The following SREK1 variants were observed in gnomAD, a reference collection of about 807,000 sequenced individuals.
The protein encoded by SREK1 is splicing regulatory glutamic acid and lysine rich protein 1, also known as splicing regulatory glutamine/lysine-rich protein 1.
A neutral mutation model predicts 66.5 loss-of-function variants in SREK1; 13 were observed. The ratio of observed to expected loss-of-function variants is 0.20; its 90% confidence interval spans 0.13 to 0.31. The LOEUF (loss-of-function observed/expected upper bound fraction) is 0.31. SREK1 is among the 10% of genes least tolerant of loss of function. SREK1 has a pLI of 1.00. For missense variants in SREK1, 607 were observed against 769.6 expected (o/e 0.79, Z 2.50); for synonymous variants, 265 against 263.5 (o/e 1.01, Z -0.05).
intron 11 of SREK1, among the ~76,000 whole-genome samples, 163 bp from the exon 12 acceptor site, chr5:66,178,556 G>A (rs770290207): frequency 6.6e-6 from 1 of 152,022 alleles, no homozygotes; most frequent in Non-Finnish European, 1.5e-5. Context: ...AACACAAAGG[G>A]GAAATTGATA....
chr5:66,182,941 A>G lies in SREK1; in HGVS notation c.*4073A>G, dbSNP rs1746610982. ...ATTCAGTCAGTTGGATTTAGTAACT[A>G]ATAACTAGCTTTCTTCCATTCTAAG... On this transcript the variant is annotated 3_prime_UTR_variant, in exon 12 of 12. Transcript: ENST00000334121. 6.6e-6 allele frequency: 1 copy of G among 152,214 alleles called. No individual in the cohort carries two copies. Among genetic ancestry groups the G allele is most frequent in the Non-Finnish European group, 1.5e-5 (1 of 68,040 alleles). 9.4% of individuals were successfully genotyped at this position (152,214 alleles called of 1,614,324 possible). A position where few individuals can be genotyped will look rare whatever the true frequency, so the allele number is the denominator to read the frequency against.
intron 10 of SREK1, chr5:66,177,260 A>G (rs1746134081): frequency 3.3e-6 from 1 of 301,982 alleles, no homozygotes; most frequent in Non-Finnish European, 6.0e-6. Flanking sequence ...AGGCTATGCC[A>G]AATAGTGTTT....
chr5:66,168,664 A>G (rs1745371868), intron 7 of SREK1: 1 of 152,196 alleles, frequency 6.6e-6, no homozygotes, highest in Admixed American at 6.5e-5. Flanking sequence ...GGTGTGAGCC[A>G]CTGTGCCCAG....
At position 66,162,227 on chromosome 5, in the gene SREK1, T is replaced by C. The variant is rs1463625429; in HGVS notation, c.530T>C (p.Ile177Thr). 1 of 1,614,132 alleles carries C rather than the reference T, an allele frequency of 6.2e-7. No homozygotes were observed. Among genetic ancestry groups the C allele is most frequent in the Non-Finnish European group, 8.5e-7 (1 of 1,179,984 alleles). The stretch of plus-strand genomic sequence containing the variant: ...ATGGGAAACGTGGATCCTTCCAAAA[T>C]AGATGAAATTAGGAGAACGGTTTAT... ...PLMGNVDPSK[I>T]DEIRRTVYVG... The change falls in exon 4 of 12, where the codon ATA becomes ACA. Residue 177 changes from isoleucine to threonine, a missense_variant. By Grantham distance (89) the Ile-to-Thr change is moderately conservative (BLOSUM62 -1). Around this residue, in one of 5 missense-constraint regions of SREK1, gnomAD observed 99 missense variants for 186.6 expected, o/e 0.53. Transcript: ENST00000334121.
At chr5:66,155,935 C>A (rs549102586) in intron 2 of SREK1, 2 of 1,330,740 alleles carry the variant, frequency 1.5e-6, no homozygotes, top group Non-Finnish European at 2.0e-6. Context: ...GAAAAAGATA[C>A]GGTCAAACAT....
chr5:66,153,707 GT>G, intron 2 of SREK1, 111 bp downstream of exon 2: 1 of 1,395,836 alleles, frequency 7.2e-7, no homozygotes, highest in Non-Finnish European at 9.8e-7. Flanking sequence ...GTGTGTGAAA[GT>G]AAGAATGAAA....
rs754284189 is a variant in SREK1, at chr5:66,181,404, A to G, written c.*2536A>G. ...TTTGTTTATTCTTTTCTTTCAGGGT[A>G]TTTTGTTTTTTTCTTTAAGACTTCT... On this transcript the variant is annotated 3_prime_UTR_variant, in exon 12 of 12. Transcript: ENST00000334121. The G allele has an allele frequency of 7.9e-5, 12 of 151,966 alleles. No homozygotes were observed. Among genetic ancestry groups the G allele is most frequent in the Non-Finnish European group, 1.3e-4 (9 of 67,972 alleles). 9.4% of individuals were successfully genotyped at this position (151,966 alleles called of 1,614,324 possible).
chr5:66,144,421 C>T lies in SREK1; in HGVS notation c.45C>T (p.Leu15=), dbSNP rs1561488302. 3.9e-6 allele frequency: 6 copies of T among 1,551,414 alleles called. No homozygotes were observed. The highest frequency in any genetic ancestry group is 5.2e-6 in the Non-Finnish European group (6 of 1,146,936). The change falls in exon 1 of 12, where the codon CTC becomes CTT. Residue 15 remains leucine (L), a synonymous_variant. Coordinates refer to ENST00000334121, the MANE Select transcript of SREK1 (RefSeq NM_001077199.3). ...GGFGLGLGFG[L]TPTSVIQVTN... Reference sequence around the variant, plus strand: ...TCGGTTTGGGCTTAGGCTTCGGCCTCACCCCCACGTCGGTGATTCAGGTGA... The same window carrying T: ...TCGGTTTGGGCTTAGGCTTCGGCCTTACCCCCACGTCGGTGATTCAGGTGA...
At position 66,183,327 on chromosome 5, in the gene SREK1, T is replaced by G. The variant is rs1243018899; in HGVS notation, c.*4459T>G. 1.3e-5 allele frequency: 2 copies of G among 152,198 alleles called. No homozygotes were observed. The highest frequency in any genetic ancestry group is 2.9e-5 in the Non-Finnish European group (2 of 68,012). 9.4% of individuals were successfully genotyped at this position (152,198 alleles called of 1,614,324 possible). ...TGGTAGGTAACACACTGTTGGGGAA[T>G]AAACTAAAGAATTTCTGATTTCTAC... On this transcript the variant is annotated 3_prime_UTR_variant, in exon 12 of 12. Transcript: ENST00000334121.
intron 3 of SREK1, among the ~76,000 whole-genome samples, chr5:66,161,572 A>T (rs1744776246): frequency 6.6e-6 from 1 of 152,194 alleles, no homozygotes; most frequent in Non-Finnish European, 1.5e-5. Context: ...GAAGTGCCTC[A>T]TGGAGAAAAT....
chr5:66,178,226 G>C (rs532292885), intron 11 of SREK1, among the ~76,000 whole-genome samples: 234 of 152,064 alleles, frequency 1.5e-3, no homozygotes, highest in African/African-American at 5.4e-3. Flanking sequence ...CAATAACATT[G>C]ATAACATTTA....
intron 10 of SREK1, 51 bp from the exon 11 acceptor site, chr5:66,177,463 A>G (rs1465104916): frequency 7.2e-7 from 1 of 1,395,986 alleles, no homozygotes; most frequent in Non-Finnish European, 9.7e-7. Flanking sequence ...CAAGAATATA[A>G]TAGATCTTAC....
intron 2 of SREK1, chr5:66,157,302 T>G (rs1029175286): frequency 1.0e-6 from 1 of 984,654 alleles, no homozygotes; most frequent in Non-Finnish European, 1.2e-6. Flanking sequence ...TGGCCAGTGT[T>G]GAATACCCTT....
At chr5:66,165,849 T>C (rs1174069772) in intron 7 of SREK1, 5 of 152,318 alleles carry the variant, frequency 3.3e-5, no homozygotes, top group Admixed American at 3.3e-4. Context: ...TGTACATTGT[T>C]TTACCAGCAG....
intron 1 of SREK1, 38 bp from the exon 2 acceptor site, chr5:66,153,425 T>C (rs1744020495): frequency 1.9e-6 from 3 of 1,585,306 alleles, no homozygotes; most frequent in Non-Finnish European, 1.7e-6. Context: ...ACCAAGCAAA[T>C]GTTTATTAGT....
chr5:66,157,001 T>C lies in SREK1; in HGVS notation c.296-2218T>C, dbSNP rs966308886. Reference sequence around the variant, plus strand: ...TGTTTTATACTTTTATAAGCTCTGTTATTTGGAGGGTAAATTTGGTAGAAT... The same window carrying C: ...TGTTTTATACTTTTATAAGCTCTGTCATTTGGAGGGTAAATTTGGTAGAAT... On this transcript the variant is annotated intron_variant, in intron 2 of 11. Coordinates refer to ENST00000334121, the MANE Select transcript of SREK1 (RefSeq NM_001077199.3). 3.0e-6 allele frequency: 3 copies of C among 985,158 alleles called. No homozygotes were observed. The African/African-American group carries it at 5.2e-5, about 17-fold the overall frequency. The allele number at this position is 985,158 out of a possible 1,614,324, so 61.0% of individuals were successfully genotyped here.
chr5:66,153,446 T>C lies in SREK1; in HGVS notation c.162-17T>C. ...CAAATGTTTATTAGTTCAATTGTTT[T>C]TCTTTTTATCTTGCAGCAACGCACC... is the stretch of plus-strand genomic sequence containing the variant. On this transcript the variant is annotated splice_polypyrimidine_tract_variant and intron_variant, in intron 1 of 11. Coordinates refer to ENST00000334121, the MANE Select transcript of SREK1 (RefSeq NM_001077199.3). 1 of 1,601,836 alleles carries C rather than the reference T, an allele frequency of 6.2e-7. No individual in the cohort carries two copies. Among genetic ancestry groups the C allele is most frequent in the Non-Finnish European group, 8.5e-7 (1 of 1,175,748 alleles).
intron 1 of SREK1, among the ~76,000 whole-genome samples, chr5:66,149,298 C>T (rs994985074): frequency 7.2e-5 from 11 of 151,870 alleles, no homozygotes; most frequent in African/African-American, 2.7e-4. Flanking sequence ...TGCAGTGAGC[C>T]GGGATCCCGC....
At position 66,164,569 on chromosome 5, in the gene SREK1, A is replaced by G. The variant is rs1050630944; in HGVS notation, c.887-214A>G. On this transcript the variant is annotated intron_variant, in intron 6 of 11. Transcript: ENST00000334121. ...ACGGCAGCAACAAAATATTACGAAC[A>G]GCTGTTTATAATCATCTGGTTTATA... The G allele has an allele frequency of 2.7e-6, 4 of 1,496,012 alleles. No individual in the cohort carries two copies. The African/African-American group carries it at 5.5e-5, about 21-fold the overall frequency. 92.7% of individuals were successfully genotyped at this position (1,496,012 alleles called of 1,614,324 possible). A position where few individuals can be genotyped will look rare whatever the true frequency, so the allele number is the denominator to read the frequency against.
Sources: allele counts gnomAD v4.1 joint callset (sites outside exome capture counted in the v4.1 genomes callset), GRCh38; gene constraint gnomAD v4.1.1; regional missense constraint gnomAD v4.1.1; transcripts MANE v1.5; gene names NCBI Gene and HGNC (gene_info 2026-07-23, HGNC 2026-07-21).